Variants in STK31 observed in about 807,000 individuals in gnomAD.
STK31 encodes the protein serine/threonine-protein kinase 31.
In STK31, 89 loss-of-function variants were observed where a neutral mutation model predicts 129.7. The ratio of observed to expected loss-of-function variants is 0.69; its 90% CI spans 0.58 to 0.82. The LOEUF (loss-of-function observed/expected upper bound fraction) is 0.82, where lower values mean the gene tolerates loss of function less well. Among genes scored for constraint, STK31 ranks in the 40% least tolerant of loss-of-function variants. STK31 has a pLI of 0.00. For synonymous variants in STK31, 448 were observed against 395.3 expected, an observed-to-expected ratio of 1.13 and a Z score of -1.58; for missense variants, 1,187 against 1,176.4, an observed-to-expected ratio of 1.01 and a Z score of -0.13.
intron 4 of STK31, among the ~76,000 whole-genome samples, chr7:23,725,200 A>G (rs1267905669): frequency 6.6e-6 from 1 of 152,008 alleles, no homozygotes; most frequent in Non-Finnish European, 1.5e-5. Flanking sequence ...GACCACTTTT[A>G]TTCCCCTTAG....
At chr7:23,745,752 C>T (rs1788313077) in intron 8 of STK31, among the ~76,000 whole-genome samples, 2 of 151,928 alleles carry the variant, frequency 1.3e-5, no homozygotes, top group African/African-American at 4.8e-5. Flanking sequence ...GCAGTTTGGC[C>T]TCAGGTGTGG....
At chr7:23,788,226 G>A (rs1791416033) in intron 21 of STK31, 97 bp downstream of exon 21, 4 of 1,063,652 alleles carry the variant, frequency 3.8e-6, no homozygotes, top group Non-Finnish European at 5.0e-6. Flanking sequence ...TTTATTATAG[G>A]ATCTTTGTCT....
chr7:23,710,182 C>A, upstream of STK31: 2 of 1,588,644 alleles, frequency 1.3e-6, no homozygotes, highest in African/African-American at 1.3e-5. Flanking sequence ...CGGATGATGG[C>A]GCAGCGCTGT....
chr7:23,739,062 G>C (rs574976563), intron 8 of STK31, among the ~76,000 whole-genome samples: 1 of 152,116 alleles, frequency 6.6e-6, no homozygotes, highest in African/African-American at 2.4e-5. Flanking sequence ...ACTGTCTTCC[G>C]CAATGGTTGA....
intron 21 of STK31, among the ~76,000 whole-genome samples, 167 bp downstream of exon 21, chr7:23,788,296 A>G (rs746045745): frequency 1.3e-5 from 2 of 152,136 alleles, no homozygotes; most frequent in Non-Finnish European, 2.9e-5. Context: ...ATGCTAGAAC[A>G]GCAGGAGTAT....
chr7:23,809,819 C>T (rs1242602247), intron 22 of STK31, among the ~76,000 whole-genome samples: 2 of 93,580 alleles, frequency 2.1e-5, no homozygotes, highest in Non-Finnish European at 4.2e-5. Context: ...GGGGTTGTAA[C>T]CTTGGAGCGG....
chr7:23,795,723 C>G (rs1371859597), intron 22 of STK31, among the ~76,000 whole-genome samples: 1 of 152,202 alleles, frequency 6.6e-6, no homozygotes, highest in East Asian at 1.9e-4. Context: ...ACTCTTGCAT[C>G]AGTGTGACCT....
chr7:23,792,086 A>G (rs932076807), intron 22 of STK31, among the ~76,000 whole-genome samples: 1 of 152,226 alleles, frequency 6.6e-6, no homozygotes, highest in African/African-American at 2.4e-5. Flanking sequence ...CAAGTAGTGG[A>G]ATCAGTTTGG....
chr7:23,783,889 C>T (rs1356328647), intron 17 of STK31, among the ~76,000 whole-genome samples: 1 of 152,072 alleles, frequency 6.6e-6, no homozygotes, highest in African/African-American at 2.4e-5. Context: ...TTTCCTCATC[C>T]TCATTCAGTA....
At chr7:23,710,091 G>A, upstream of STK31, 1 of 904,802 alleles carries the variant, frequency 1.1e-6, no homozygotes, top group South Asian at 1.7e-5. Context: ...CCTGGGGGTC[G>A]GCAGCAGCCA....
At chr7:23,796,833 C>G (rs1397775168) in intron 22 of STK31, among the ~76,000 whole-genome samples, 1 of 152,092 alleles carries the variant, frequency 6.6e-6, no homozygotes, top group Non-Finnish European at 1.5e-5. Flanking sequence ...GATAAAGAAT[C>G]AAGACCCATC....
chr7:23,727,101 C>A, intron 4 of STK31, 140 bp from the exon 5 acceptor site: 1 of 682,174 alleles, frequency 1.5e-6, no homozygotes, highest in East Asian at 2.8e-5. Context: ...AAGTACCTGC[C>A]TGATAGGATT....
chr7:23,711,640 C>T (rs1171442624), intron 1 of STK31, among the ~76,000 whole-genome samples: 1 of 151,930 alleles, frequency 6.6e-6, no homozygotes, highest in Non-Finnish European at 1.5e-5. Flanking sequence ...AGTCTTTAAT[C>T]CCACGGAATC....
intron 8 of STK31, among the ~76,000 whole-genome samples, chr7:23,743,608 G>A (rs1271903454): frequency 2.6e-5 from 4 of 152,126 alleles, no homozygotes; most frequent in Non-Finnish European, 4.4e-5. Flanking sequence ...ATATGCTGTG[G>A]AGAAGACCTT....
intron 22 of STK31, among the ~76,000 whole-genome samples, chr7:23,813,196 C>T (rs896217655): frequency 2.3e-4 from 35 of 151,550 alleles, no homozygotes; most frequent in African/African-American, 8.5e-4. Flanking sequence ...CAATTTATCC[C>T]ATCCAGTTTT....
At chr7:23,777,608 T>G (rs1350615563) in intron 15 of STK31, among the ~76,000 whole-genome samples, 1 of 152,190 alleles carries the variant, frequency 6.6e-6, no homozygotes, top group African/African-American at 2.4e-5. Flanking sequence ...TTATTTTTTT[T>G]TATCTTCGTT....
At position 23,718,023 on chromosome 7, in the gene STK31, G is replaced by A. The variant is rs369854462; in HGVS notation, c.249+444G>A. Among the ~76,000 whole-genome samples, 15 of 152,226 alleles carry A rather than the reference G, an allele frequency of 9.9e-5. No individual in the cohort carries two copies. The East Asian group carries it at 2.9e-3, about 29-fold the overall frequency. On this transcript the variant is annotated intron_variant, in intron 4 of 23. Coordinates refer to ENST00000355870, the MANE Select transcript of STK31 (RefSeq NM_031414.5). ...ATGGAGATGGATGATGAATGGTGGC[G>A]AAGGTTGCAGAACAGTATGAATGTA...
At chr7:23,715,953 C>T (rs11971262) in intron 3 of STK31, among the ~76,000 whole-genome samples, 2 of 152,044 alleles carry the variant, frequency 1.3e-5, no homozygotes, top group African/African-American at 4.8e-5. Flanking sequence ...GTATACTCTT[C>T]ACCCAGCTTC....
intron 20 of STK31, 115 bp from the exon 21 acceptor site, chr7:23,787,865 G>A: frequency 1.0e-6 from 1 of 978,438 alleles, no homozygotes; most frequent in African/African-American, 1.7e-5. Flanking sequence ...CTTATTAATG[G>A]TTCATTTCGA....
Sources: allele counts gnomAD v4.1 joint callset (sites outside exome capture counted in the v4.1 genomes callset), GRCh38; gene constraint gnomAD v4.1.1; transcripts MANE v1.5; gene names NCBI Gene and HGNC (gene_info 2026-07-23, HGNC 2026-07-21).